The following CSMD1 variants were observed in gnomAD, a reference collection of about 807,000 sequenced individuals.
CSMD1 encodes the protein CUB and sushi domain-containing protein 1.
CSMD1 carries 213 observed loss-of-function variants against 417.5 expected under a neutral mutation model. The ratio of observed to expected loss-of-function variants is 0.51; its 90% CI spans 0.46 to 0.57. CSMD1 has a LOEUF of 0.57. Ranked by LOEUF, CSMD1 falls within the 20% of genes least tolerant of loss-of-function variation. CSMD1 has a pLI of 0.00. For synonymous variants in CSMD1, 2,862 were observed against 1,736.8 expected (o/e 1.65, Z -16.11); for missense variants, 6,923 against 4,529.7 (o/e 1.53, Z -15.17).
In CSMD1 at chr8:2,950,232, T is replaced by A; in HGVS notation, c.10313A>T (p.Tyr3438Phe). The change falls in exon 67 of 70, where the codon TAT becomes TTT. Residue 3438 changes from tyrosine to phenylalanine, a missense_variant and splice_region_variant. By Grantham distance (22) the Tyr-to-Phe change is conservative. Transcript: ENST00000635120. ...CACAGACCTTACACATGTACTTACA[T>A]AACCATCTAGTCCCCAGTTGTCATT... The part of the protein sequence containing the change: ...FENDNWGLDG[Y>F]VSSGLERGGF... 6.3e-7 allele frequency: 1 copy of A among 1,581,724 alleles called. No individual in the cohort carries two copies. Among genetic ancestry groups the A allele is most frequent in the Non-Finnish European group, 8.7e-7 (1 of 1,150,608 alleles).
chr8:4,854,817 G>A (rs1308164818), intron 1 of CSMD1, among the ~76,000 whole-genome samples: 4 of 152,182 alleles, frequency 2.6e-5, no homozygotes, highest in Non-Finnish European at 4.4e-5. Context: ...CAAACTGCAA[G>A]GCAGCAGCGA....
chr8:3,731,690 A>T (rs140326943), intron 6 of CSMD1, among the ~76,000 whole-genome samples: 56 of 152,342 alleles, frequency 3.7e-4, no homozygotes, highest in African/African-American at 1.3e-3. Flanking sequence ...TTGAGGAAAC[A>T]AAGTATAAAT....
chr8:4,841,048 C>T (rs2116776438), intron 1 of CSMD1, among the ~76,000 whole-genome samples: 1 of 152,342 alleles, frequency 6.6e-6, no homozygotes, highest in African/African-American at 2.4e-5. Flanking sequence ...CACCAACGTT[C>T]TTCCTGTATT....
At chr8:4,655,321 T>C (rs1165733353) in intron 1 of CSMD1, among the ~76,000 whole-genome samples, 1 of 152,116 alleles carries the variant, frequency 6.6e-6, no homozygotes, top group Non-Finnish European at 1.5e-5. Flanking sequence ...AGTTCCTCAA[T>C]GGCCACTGGT....
At chr8:4,967,358 A>T (rs1256858696) in intron 1 of CSMD1, among the ~76,000 whole-genome samples, 1 of 152,180 alleles carries the variant, frequency 6.6e-6, no homozygotes, top group Non-Finnish European at 1.5e-5. Flanking sequence ...CTGAAGAAAA[A>T]AACAATAATC....
intron 1 of CSMD1, among the ~76,000 whole-genome samples, chr8:4,756,493 T>C (rs1241761624): frequency 6.6e-6 from 1 of 152,152 alleles, no homozygotes; most frequent in Non-Finnish European, 1.5e-5. Context: ...TAAATGTAAA[T>C]AATATTTGTT....
At chr8:4,300,111 G>C (rs1449263138) in intron 3 of CSMD1, among the ~76,000 whole-genome samples, 2 of 152,148 alleles carry the variant, frequency 1.3e-5, no homozygotes, top group African/African-American at 4.8e-5. Flanking sequence ...TGCTAATTAG[G>C]TAACATCAGC....
intron 1 of CSMD1, among the ~76,000 whole-genome samples, chr8:4,642,815 A>T (rs1803280877): frequency 6.6e-6 from 1 of 152,154 alleles, no homozygotes; most frequent in Admixed American, 6.5e-5. Flanking sequence ...TCTGTCTGAG[A>T]GCAAATGTTT....
chr8:4,848,797 G>C (rs1249770973), intron 1 of CSMD1, among the ~76,000 whole-genome samples: 1 of 152,190 alleles, frequency 6.6e-6, no homozygotes, highest in East Asian at 1.9e-4. Context: ...GGCCGTCTCA[G>C]CCTTCCAAAG....
chr8:3,694,055 AGTGT>A (rs931919580), intron 7 of CSMD1, among the ~76,000 whole-genome samples: 1 of 148,680 alleles, frequency 6.7e-6, no homozygotes, highest in Non-Finnish European at 1.5e-5. Context: ...GTGTTGTGTT[AGTGT>A]GTGTGTGTTG....
chr8:3,559,524 G>C (rs1166074502), intron 10 of CSMD1, among the ~76,000 whole-genome samples: 1 of 152,054 alleles, frequency 6.6e-6, no homozygotes, highest in Non-Finnish European at 1.5e-5. Context: ...AGAAGGAAGA[G>C]GAAAAATGGA....
intron 1 of CSMD1, among the ~76,000 whole-genome samples, chr8:4,650,665 A>G (rs1803838907): frequency 6.6e-6 from 1 of 152,098 alleles, no homozygotes; most frequent in Non-Finnish European, 1.5e-5. Context: ...TTAAAAAAAA[A>G]AAAGATACAG....
At chr8:4,633,089 T>C (rs1478428886) in intron 2 of CSMD1, among the ~76,000 whole-genome samples, 7 of 152,182 alleles carry the variant, frequency 4.6e-5, no homozygotes, top group Non-Finnish European at 8.8e-5. Flanking sequence ...TGTGTCAGTG[T>C]TCCCGAGAGG....
chr8:3,299,074 A>AGT (rs1804184864), intron 25 of CSMD1, among the ~76,000 whole-genome samples: 1 of 152,212 alleles, frequency 6.6e-6, no homozygotes, highest in East Asian at 1.9e-4. Context: ...AATGTAGGTA[A>AGT]GTGTCAGTCA....
intron 1 of CSMD1, among the ~76,000 whole-genome samples, chr8:4,971,845 A>T (rs1253716928): frequency 1.3e-5 from 2 of 152,100 alleles, no homozygotes; most frequent in Non-Finnish European, 2.9e-5. Flanking sequence ...CATTAATTTT[A>T]ATTCAGGAAG....
intron 3 of CSMD1, among the ~76,000 whole-genome samples, chr8:4,140,006 T>G (rs1191664471): frequency 6.6e-6 from 1 of 150,858 alleles, no homozygotes; most frequent in African/African-American, 2.5e-5. Flanking sequence ...AGGTAAATAG[T>G]TCTCCCTGAC....
intron 10 of CSMD1, among the ~76,000 whole-genome samples, chr8:3,504,536 G>A (rs1796743036): frequency 6.6e-6 from 1 of 152,114 alleles, no homozygotes; most frequent in African/African-American, 2.4e-5. Flanking sequence ...TGTCATGTCT[G>A]CCAGACCCAG....
chr8:4,446,340 G>A (rs527896661), intron 2 of CSMD1, among the ~76,000 whole-genome samples: 3 of 152,222 alleles, frequency 2.0e-5, no homozygotes, highest in Admixed American at 6.5e-5. Flanking sequence ...TTGAGCCCAG[G>A]AGTTTGAAAC....
chr8:3,514,067 C>G (rs1371192639), intron 10 of CSMD1, among the ~76,000 whole-genome samples: 1 of 152,094 alleles, frequency 6.6e-6, no homozygotes, highest in African/African-American at 2.4e-5. Context: ...ACCCTGTGTT[C>G]TTTAGTTTTT....
Sources: gnomAD v4.1 joint callset for allele counts (sites outside exome capture counted in the v4.1 genomes callset) on GRCh38, gnomAD v4.1.1 for gene constraint, MANE v1.5 for transcripts, NCBI Gene and HGNC (gene_info 2026-07-23, HGNC 2026-07-21) for gene names.